TEX36: variants seen among roughly 807,000 people sequenced by gnomAD.
TEX36 encodes the protein testis expressed 36, also known as testis-expressed protein 36.
In TEX36, 12 loss-of-function variants were observed where a neutral mutation model predicts 13.6. The ratio of observed to expected loss-of-function variants is 0.88; its 90% confidence interval spans 0.56 to 1.43. TEX36 has a LOEUF of 1.43. Among genes scored for constraint, TEX36 ranks in the 40% most tolerant of loss-of-function variants. The probability of loss-of-function intolerance (pLI) is 0.00; values close to 1 mark genes in which losing one functional copy is unlikely to be tolerated. For missense variants in TEX36, 224 were observed against 228.3 expected (o/e 0.98, Z 0.12); for synonymous variants, 93 against 83.0 (o/e 1.12, Z -0.65).
downstream of TEX36, among the ~76,000 whole-genome samples, chr10:125,620,121 T>G (rs1335559083): frequency 6.6e-6 from 1 of 152,162 alleles, no homozygotes; most frequent in East Asian, 1.9e-4. Context: ...CTGAGTATCT[T>G]GTCAGTCCCC....
chr10:125,621,621 A>T (rs1460684121), exon 4 of TEX36: 1 of 456,060 alleles, frequency 2.2e-6, no homozygotes, highest in South Asian at 1.5e-5. Flanking sequence ...CACAAAGAGA[A>T]GTCCCACGAT....
chr10:125,668,312 T>G (rs1028404407), intron 1 of TEX36, among the ~76,000 whole-genome samples: 7 of 145,682 alleles, frequency 4.8e-5, no homozygotes, highest in African/African-American at 1.9e-4. Flanking sequence ...GTTGGGAGAT[T>G]TTTTTTTTTT....
chr10:125,614,992 T>C (rs1472998998), intron 3 of TEX36, among the ~76,000 whole-genome samples: 1 of 152,178 alleles, frequency 6.6e-6, no homozygotes, highest in Non-Finnish European at 1.5e-5. Flanking sequence ...TGAAGAGGTC[T>C]TTCACATCCC....
At chr10:125,606,394 C>T (rs1316044787) in intron 3 of TEX36, among the ~76,000 whole-genome samples, 2 of 152,214 alleles carry the variant, frequency 1.3e-5, no homozygotes, top group Non-Finnish European at 2.9e-5. Context: ...AACAGTTTAA[C>T]CTTTAAACCA....
intron 3 of TEX36, among the ~76,000 whole-genome samples, chr10:125,630,698 G>A (rs576608428): frequency 6.6e-6 from 1 of 152,168 alleles, no homozygotes. Flanking sequence ...ACTAGTGTCT[G>A]TTAGGGGGAT....
intron 3 of TEX36, among the ~76,000 whole-genome samples, chr10:125,578,809 C>A (rs1314357447): frequency 1.3e-5 from 2 of 152,170 alleles, no homozygotes; most frequent in Non-Finnish European, 2.9e-5. Context: ...CCCACCTGTG[C>A]CAATCCCCTG....
chr10:125,579,359 A>G (rs1411627745), intron 3 of TEX36, among the ~76,000 whole-genome samples: 1 of 152,166 alleles, frequency 6.6e-6, no homozygotes, highest in Non-Finnish European at 1.5e-5. Context: ...AGCCCCTTAT[A>G]AAACCACCAG....
intron 1 of TEX36, among the ~76,000 whole-genome samples, chr10:125,679,655 G>C (rs1377030174): frequency 2.6e-5 from 4 of 152,312 alleles, no homozygotes; most frequent in Admixed American, 2.6e-4. Context: ...GCCGATCCCG[G>C]CCAGGCAGGC....
downstream of TEX36, among the ~76,000 whole-genome samples, chr10:125,650,714 T>C (rs534269414): frequency 9.9e-4 from 150 of 152,248 alleles, no homozygotes; most frequent in African/African-American, 3.3e-3. Context: ...ATCCAGGAAC[T>C]GGCTTTTTGA....
rs1847049797 is a variant in TEX36 at position 125,661,896 on chromosome 10, G to A, written c.133C>T (p.Pro45Ser). ...TSKEPQSPHLPRQAEGKLPPI... is the reference protein window; with the variant it reads ...TSKEPQSPHLSRQAEGKLPPI... ...GGCAGCTTCCCCTCCGCTTGCCGAG[G>A]CAAGTGTGGACTCTGGGGCTCTTTT... is the stretch of plus-strand genomic sequence containing the variant. The change falls in exon 2 of 4, where the codon CCT becomes TCT. Residue 45 changes from proline (P) to serine (S), a missense_variant. Transcript: ENST00000368821. 6.4e-7 allele frequency: 1 copy of A among 1,552,144 alleles called. No individual in the cohort carries two copies. The highest frequency in any genetic ancestry group is 1.4e-5 in the African/African-American group (1 of 73,050).
At chr10:125,615,279 T>C (rs2133554885) in intron 3 of TEX36, among the ~76,000 whole-genome samples, 1 of 151,974 alleles carries the variant, frequency 6.6e-6, no homozygotes. Context: ...TTTATTTCCT[T>C]CTCCTGCCTA....
At chr10:125,656,856 C>T (rs540328386) in intron 3 of TEX36, among the ~76,000 whole-genome samples, 4 of 152,134 alleles carry the variant, frequency 2.6e-5, no homozygotes, top group Admixed American at 2.0e-4. Context: ...CCAACACCCC[C>T]GACCTTCCCT....
chr10:125,646,712 C>T (rs889074363), intron 3 of TEX36, among the ~76,000 whole-genome samples: 1 of 151,994 alleles, frequency 6.6e-6, no homozygotes, highest in South Asian at 2.1e-4. Flanking sequence ...TATTAAAACA[C>T]CAACATTTTA....
intron 3 of TEX36, among the ~76,000 whole-genome samples, chr10:125,657,145 TG>T: frequency 6.6e-6 from 1 of 152,142 alleles, no homozygotes; most frequent in South Asian, 2.1e-4. Context: ...TGAGAGGAAA[TG>T]GACATTACGT....
chr10:125,638,660 C>T (rs1846647964), intron 3 of TEX36, among the ~76,000 whole-genome samples: 1 of 152,216 alleles, frequency 6.6e-6, no homozygotes, highest in Non-Finnish European at 1.5e-5. Context: ...CGTGTCTAGT[C>T]CTGAGCTAAG....
rs916197067 is a variant in TEX36, at chr10:125,606,297, G to A, written c.265-29423C>T. On this transcript the variant is annotated intron_variant, in intron 3 of 3. Coordinates refer to the TEX36 transcript ENST00000532135. ...AAACATCTCTCCGAAAATCCAAACC[G>A]TAGACCACATCTTCCTTTCTGTCCA... Among the ~76,000 whole-genome samples, 20 of 152,244 alleles carry A rather than the reference G, an allele frequency of 1.3e-4. No individual in the cohort carries two copies. In the South Asian group the frequency reaches 1.7e-3, roughly 13 times the overall value.
intron 1 of TEX36, among the ~76,000 whole-genome samples, chr10:125,680,125 A>C (rs895691292): frequency 1.3e-5 from 2 of 152,232 alleles, no homozygotes; most frequent in African/African-American, 4.8e-5. Context: ...TTTTCCAAAG[A>C]AATATTTTTA....
chr10:125,661,716 CCT>C, intron 2 of TEX36, 128 bp downstream of exon 2: 1 of 1,265,494 alleles, frequency 7.9e-7, no homozygotes, highest in East Asian at 2.5e-5. Context: ...TACTACCAAC[CCT>C]TAGGGGTCCA....
chr10:125,666,863 G>C (rs1847129940), intron 1 of TEX36: 1 of 362,756 alleles, frequency 2.8e-6, no homozygotes, highest in Non-Finnish European at 5.2e-6. Context: ...AACAGCCGGG[G>C]AACACCTCCA....
Sources: gnomAD v4.1 joint callset for allele counts (sites outside exome capture counted in the v4.1 genomes callset) on GRCh38, gnomAD v4.1.1 for gene constraint, MANE v1.5 for transcripts, NCBI Gene and HGNC (gene_info 2026-07-23, HGNC 2026-07-21) for gene names.